Variants in TET3 observed in about 807,000 individuals in gnomAD.
TET3 encodes the protein tet methylcytosine dioxygenase 3, also known as methylcytosine dioxygenase TET3.
In TET3, 19 loss-of-function variants were observed where a neutral mutation model predicts 141.4. The observed-to-expected ratio is 0.13, with a 90% CI of 0.09 to 0.20. The LOEUF (loss-of-function observed/expected upper bound fraction) is 0.20, where lower values mean the gene tolerates loss of function less well. TET3 is among the 10% of genes least tolerant of loss of function. The pLI, the probability that TET3 is intolerant of heterozygous loss-of-function variation, is 1.00. For synonymous variants in TET3, 1,043 were observed against 980.9 expected (o/e 1.06, Z -1.18); for missense variants, 1,874 against 2,356.9 (o/e 0.80, Z 4.24).
intron 4 of TET3, among the ~76,000 whole-genome samples, chr2:74,058,277 A>C (rs770460173): frequency 1.3e-5 from 2 of 152,204 alleles, no homozygotes; most frequent in Non-Finnish European, 2.9e-5. Context: ...AGGGAAGCAG[A>C]AGAGAGGGAC....
chr2:74,019,167 G>T (rs1033339384), intron 3 of TET3, among the ~76,000 whole-genome samples: 15 of 152,228 alleles, frequency 9.9e-5, no homozygotes, highest in African/African-American at 3.6e-4. Flanking sequence ...AGATGTGGGA[G>T]GATCGCTGTA....
intron 3 of TET3, among the ~76,000 whole-genome samples, chr2:74,037,299 C>T (rs916492855): frequency 3.3e-5 from 5 of 152,350 alleles, no homozygotes; most frequent in African/African-American, 1.2e-4. Context: ...AATTGATCAA[C>T]CCTAGACAGA....
At chr2:73,985,577 C>CG (rs566645813) in intron 1 of TET3, among the ~76,000 whole-genome samples, 305 of 150,100 alleles carry the variant, frequency 2.0e-3, no homozygotes, top group African/African-American at 6.5e-3. Context: ...GCTTCCGTGC[C>CG]GGGGGCGCCG....
chr2:74,047,853 G>A lies in TET3; in HGVS notation c.1936G>A (p.Ala646Thr), dbSNP rs551395181. ...CCAGGAAGTGCAGGCTCATCCACCG[G>A]CCCCTCTGCCTGCCTCACAGGGCTC... Reference protein sequence around the residue: ...ASQEVQAHPPAPLPASQGSAV... With the variant: ...ASQEVQAHPPTPLPASQGSAV... Residue 646 changes from alanine (A) to threonine (T), a missense_variant, in exon 4 of 12, where the codon GCC (alanine) becomes ACC (threonine). By Grantham distance (58) the Ala-to-Thr change is moderately conservative (BLOSUM62 0). Coordinates refer to ENST00000409262, the MANE Select transcript of TET3 (RefSeq NM_001287491.2). 3 of 1,612,472 alleles carry A rather than the reference G, an allele frequency of 1.9e-6. No individual in the cohort carries two copies. Among genetic ancestry groups the A allele is most frequent in the South Asian group, 2.2e-5 (2 of 90,842 alleles).
intron 3 of TET3, among the ~76,000 whole-genome samples, chr2:74,008,511 A>G (rs1207360375): frequency 6.6e-6 from 1 of 152,216 alleles, no homozygotes; most frequent in Non-Finnish European, 1.5e-5. Flanking sequence ...TTTTGAGCTT[A>G]TTCCATGCAG....
intron 4 of TET3, among the ~76,000 whole-genome samples, chr2:74,062,052 T>C (rs561484848): frequency 6.6e-6 from 1 of 152,220 alleles, no homozygotes; most frequent in East Asian, 1.9e-4. Flanking sequence ...CTCGGCACTT[T>C]GGGAGGCCAA....
At chr2:74,108,816 A>ACAAC (rs1364572126), downstream of TET3, among the ~76,000 whole-genome samples, 1 of 152,180 alleles carries the variant, frequency 6.6e-6, no homozygotes, top group Admixed American at 6.5e-5. Context: ...TCTTTGAGGG[A>ACAAC]CAACCAGCCC....
intron 4 of TET3, among the ~76,000 whole-genome samples, chr2:74,056,086 G>C (rs763101153): frequency 6.6e-6 from 1 of 152,202 alleles, no homozygotes; most frequent in Non-Finnish European, 1.5e-5. Flanking sequence ...GGTACAAATG[G>C]AGCCTTTGTG....
chr2:74,022,117 T>TTTC (rs1491060095), intron 3 of TET3, among the ~76,000 whole-genome samples: 9 of 121,812 alleles, frequency 7.4e-5, no homozygotes, highest in Non-Finnish European at 1.5e-4. Context: ...TTTTTTTTTT[T>TTTC]CCATTTTAAA....
At chr2:74,055,286 T>A (rs1356198850) in intron 4 of TET3, among the ~76,000 whole-genome samples, 1 of 152,230 alleles carries the variant, frequency 6.6e-6, no homozygotes, top group Non-Finnish European at 1.5e-5. Flanking sequence ...TCAGCCTTAT[T>A]CTGCCTCCAT....
intron 4 of TET3, among the ~76,000 whole-genome samples, chr2:74,052,222 C>T (rs1458710380): frequency 2.0e-5 from 3 of 152,190 alleles, no homozygotes; most frequent in Non-Finnish European, 4.4e-5. Context: ...TCAGGCAGTC[C>T]ACCTGCCTCA....
chr2:74,005,756 A>G (rs1685120915), intron 3 of TET3, among the ~76,000 whole-genome samples: 1 of 152,228 alleles, frequency 6.6e-6, no homozygotes, highest in African/African-American at 2.4e-5. Context: ...CCTATGATGT[A>G]CGTATGAGTC....
the TET3 span, among the ~76,000 whole-genome samples, chr2:74,123,934 G>A: frequency 2.8e-4 from 42 of 151,156 alleles, 1 homozygote; most frequent in African/African-American, 8.3e-4. Context: ...ACTGAGGAGC[G>A]TCTCTGCCCG....
intron 2 of TET3, chr2:74,002,569 C>T (rs915542426): frequency 3.2e-6 from 1 of 310,134 alleles, no homozygotes; most frequent in Non-Finnish European, 5.9e-6. Context: ...TCAGCAGCAC[C>T]CTCGGCTGCG....
At chr2:74,125,663 A>G in the TET3 span, among the ~76,000 whole-genome samples, 1 of 151,694 alleles carries the variant, frequency 6.6e-6, no homozygotes, top group African/African-American at 2.4e-5. Context: ...GCTCTCATAT[A>G]TAGTACCTGC....
At chr2:74,032,442 GGTGTGTCTCTGTGTGTGTGTGTGTGTGT>G (rs1686749056) in intron 3 of TET3, among the ~76,000 whole-genome samples, 1 of 94,802 alleles carries the variant, frequency 1.1e-5, no homozygotes, top group African/African-American at 5.8e-5. Context: ...CTGCAAGAGG[GGTGTGTCTCTGTGTGTGTGTGTGTGTGT>G]GTGTGTGTGT....
rs373397654 is a variant in TET3, at chr2:74,046,717, T to C, written c.800T>C (p.Met267Thr). 6.2e-7 allele frequency: 1 copy of C among 1,613,828 alleles called. No homozygotes were observed. The highest frequency in any genetic ancestry group is 1.3e-5 in the African/African-American group (1 of 74,914). The change falls in exon 4 of 12, where the codon ATG (methionine) becomes ACG (threonine). Residue 267 changes from methionine to threonine, a missense_variant. Transcript: ENST00000409262. The surrounding 1 kb of genome is among the most constrained non-coding windows in gnomAD (Gnocchi z 4.3). ...QTALALARHG[M>T]KPPNCNCDGP... ...GCCCTGGCCCTCGCGCGGCATGGTA[T>C]GAAACCACCCAACTGCAACTGCGAT...
the TET3 span, chr2:74,135,404 C>T: frequency 1.1e-6 from 1 of 947,712 alleles, no homozygotes; most frequent in African/African-American, 1.6e-5. Flanking sequence ...TACTAATGAC[C>T]CTTCAAAAGC....
the TET3 span, among the ~76,000 whole-genome samples, chr2:74,114,577 C>T: frequency 6.6e-6 from 1 of 151,924 alleles, no homozygotes; most frequent in African/African-American, 2.4e-5. Flanking sequence ...GCAGGCTGGG[C>T]ATGGTGGCTC....
Sources: gnomAD v4.1 joint callset for allele counts (sites outside exome capture counted in the v4.1 genomes callset) on GRCh38, gnomAD v4.1.1 for gene constraint, Gnocchi (gnomAD v3.1) non-coding constraint, MANE v1.5 for transcripts, NCBI Gene and HGNC (gene_info 2026-07-23, HGNC 2026-07-21) for gene names.